The following MARCHF1 variants were observed in gnomAD, a reference collection of about 807,000 sequenced individuals.
The protein encoded by MARCHF1 is membrane associated ring-CH-type finger 1, also known as E3 ubiquitin-protein ligase MARCHF1.
Under a neutral mutation model 54.2 loss-of-function variants are expected in MARCHF1, and 40 were observed. The ratio of observed to expected loss-of-function variants is 0.74; its 90% confidence interval spans 0.57 to 0.96. MARCHF1 has a LOEUF of 0.96. Among genes scored for constraint, MARCHF1 ranks in the 40% least tolerant of loss-of-function variants. The pLI is 0.00. For missense variants in MARCHF1, 586 were observed against 656.5 expected (o/e 0.89, Z 1.17); for synonymous variants, 236 against 236.3 (o/e 1.00, Z 0.01).
intron 1 of MARCHF1, among the ~76,000 whole-genome samples, chr4:164,287,706 A>C (rs918180664): frequency 1.3e-5 from 2 of 152,184 alleles, no homozygotes; most frequent in Non-Finnish European, 1.5e-5. Context: ...ATGAAAACTA[A>C]TATCTTTGTC....
chr4:164,337,835 A>C (rs1472098672), intron 1 of MARCHF1, among the ~76,000 whole-genome samples: 1 of 152,206 alleles, frequency 6.6e-6, no homozygotes, highest in African/African-American at 2.4e-5. Context: ...TGGGGGAAAA[A>C]AAAATGAAAG....
intron 1 of MARCHF1, among the ~76,000 whole-genome samples, chr4:164,239,480 G>A (rs1312603045): frequency 6.6e-6 from 1 of 152,040 alleles, no homozygotes; most frequent in East Asian, 1.9e-4. Flanking sequence ...TATCCCTAGA[G>A]ATCTTCCTAA....
chr4:163,766,078 C>T (rs978390931), intron 4 of MARCHF1, among the ~76,000 whole-genome samples: 1 of 151,272 alleles, frequency 6.6e-6, no homozygotes, highest in Non-Finnish European at 1.5e-5. Flanking sequence ...AGTATGCAAG[C>T]ATAATAAAAG....
intron 5 of MARCHF1, among the ~76,000 whole-genome samples, chr4:163,632,048 C>T (rs930201232): frequency 3.9e-5 from 6 of 152,062 alleles, no homozygotes; most frequent in Non-Finnish European, 7.4e-5. Flanking sequence ...ATATCTCACA[C>T]CCATTAAGAT....
intron 2 of MARCHF1, among the ~76,000 whole-genome samples, chr4:164,065,692 C>T (rs1006896308): frequency 6.6e-6 from 1 of 152,172 alleles, no homozygotes; most frequent in African/African-American, 2.4e-5. Flanking sequence ...CTAGTGACTC[C>T]ATTTGAGTCC....
chr4:163,887,422 A>G (rs1245924745), intron 3 of MARCHF1, among the ~76,000 whole-genome samples: 1 of 152,130 alleles, frequency 6.6e-6, no homozygotes, highest in East Asian at 1.9e-4. Context: ...AGAAAAGAAA[A>G]GAGGCAAGTG....
chr4:164,083,610 A>T (rs1755142555), intron 2 of MARCHF1, among the ~76,000 whole-genome samples: 1 of 152,148 alleles, frequency 6.6e-6, no homozygotes, highest in Admixed American at 6.5e-5. Context: ...ATACTTAAAA[A>T]AATGAAATAG....
chr4:164,355,533 A>C (rs1267184495), intron 1 of MARCHF1, among the ~76,000 whole-genome samples: 2,074 of 103,446 alleles, frequency 0.02, 33 homozygotes, highest in Middle Eastern at 0.033. Flanking sequence ...CCTATTTAAT[A>C]AATGGTGCTG....
intron 5 of MARCHF1, among the ~76,000 whole-genome samples, chr4:163,630,548 A>G (rs1193661199): frequency 6.6e-6 from 1 of 152,204 alleles, no homozygotes; most frequent in African/African-American, 2.4e-5. Context: ...TTAAAGGGAA[A>G]TGGTCTATTG....
At chr4:163,981,683 C>T (rs1241396505) in intron 3 of MARCHF1, among the ~76,000 whole-genome samples, 1 of 152,174 alleles carries the variant, frequency 6.6e-6, no homozygotes, top group African/African-American at 2.4e-5. Flanking sequence ...TCCATGCTGG[C>T]ATTGTCAGTG....
At chr4:164,045,857 A>G (rs1754232185) in intron 2 of MARCHF1, among the ~76,000 whole-genome samples, 1 of 152,172 alleles carries the variant, frequency 6.6e-6, no homozygotes, top group Non-Finnish European at 1.5e-5. Flanking sequence ...TTCAGTTTTT[A>G]TATATAGCAA....
At chr4:163,575,886 G>C (rs1342060937) in intron 8 of MARCHF1, among the ~76,000 whole-genome samples, 1 of 151,950 alleles carries the variant, frequency 6.6e-6, no homozygotes, top group African/African-American at 2.4e-5. Context: ...GAGATCGGTT[G>C]TAATGTCACC....
chr4:164,308,282 T>C (rs1385455827), intron 1 of MARCHF1, among the ~76,000 whole-genome samples: 2 of 152,188 alleles, frequency 1.3e-5, no homozygotes, highest in African/African-American at 4.8e-5. Flanking sequence ...CCAGCAAACA[T>C]TACCTTAGAA....
Position 163,528,931 on chromosome 4 carries a change from C to G in MARCHF1, c.1455G>C (p.Leu485=), listed in dbSNP as rs78698798. The G allele has an allele frequency of 1.2e-6, 2 of 1,613,286 alleles. No homozygotes were observed. Among genetic ancestry groups the G allele is most frequent in the Admixed American group, 3.3e-5 (2 of 59,858 alleles). ...CAAAGATCACACGGTTGTAGGCCTT[C>G]AGCCTGCGCCACAACTGAACATAGA... ...CKVYVQLWRR[L]KAYNRVIFVQ... is the part of the protein sequence containing the mutation. Residue 485 remains leucine (L), a synonymous_variant, in exon 10 of 10, where the codon CTG becomes CTC. Coordinates refer to ENST00000514618, the MANE Select transcript of MARCHF1 (RefSeq NM_001394959.1).
At chr4:164,079,593 A>G (rs1755053412) in intron 2 of MARCHF1, among the ~76,000 whole-genome samples, 1 of 152,170 alleles carries the variant, frequency 6.6e-6, no homozygotes, top group Admixed American at 6.5e-5. Context: ...ATAACTTCTA[A>G]CTTCTAACTG....
intron 2 of MARCHF1, among the ~76,000 whole-genome samples, chr4:164,049,062 C>T (rs1754299706): frequency 6.6e-6 from 1 of 152,192 alleles, no homozygotes; most frequent in African/African-American, 2.4e-5. Flanking sequence ...TTCATTTTCA[C>T]ACTGCTATAA....
At chr4:163,869,695 TA>T (rs1750129395) in intron 3 of MARCHF1, among the ~76,000 whole-genome samples, 1 of 152,114 alleles carries the variant, frequency 6.6e-6, no homozygotes, top group African/African-American at 2.4e-5. Context: ...TTTTTAAGAC[TA>T]GAAAGCACTA....
chr4:163,768,618 G>A (rs748218737), intron 4 of MARCHF1, among the ~76,000 whole-genome samples: 2 of 152,136 alleles, frequency 1.3e-5, no homozygotes, highest in Non-Finnish European at 2.9e-5. Flanking sequence ...ATTAGGAAAT[G>A]CATGGCTAAT....
intron 1 of MARCHF1, among the ~76,000 whole-genome samples, chr4:164,212,156 CAACAAA>C (rs1255961340): frequency 1.3e-5 from 2 of 152,070 alleles, no homozygotes; most frequent in African/African-American, 4.8e-5. Context: ...ATAGAAACAA[CAACAAA>C]AACAATAACA....
Sources: gnomAD v4.1 joint callset for allele counts (sites outside exome capture counted in the v4.1 genomes callset) on GRCh38, gnomAD v4.1.1 for gene constraint, MANE v1.5 for transcripts, NCBI Gene and HGNC (gene_info 2026-07-23, HGNC 2026-07-21) for gene names.